DENND6A: variants seen among roughly 807,000 people sequenced by gnomAD.
DENND6A encodes the protein protein DENND6A.
In DENND6A, 43 loss-of-function variants were observed where a neutral mutation model predicts 95.5. The ratio of observed to expected loss-of-function variants is 0.45; its 90% confidence interval spans 0.35 to 0.58. The LOEUF (loss-of-function observed/expected upper bound fraction) is 0.58, where lower values mean the gene tolerates loss of function less well. Ranked by LOEUF, DENND6A falls within the 20% of genes least tolerant of loss-of-function variation. The pLI is 0.00. For synonymous variants in DENND6A, 257 were observed against 260.4 expected, an observed-to-expected ratio of 0.99 and a Z score of 0.13; for missense variants, 574 against 736.0, an observed-to-expected ratio of 0.78 and a Z score of 2.55.
chr3:57,692,678 G>A (rs995990689), intron 1 of DENND6A, 104 bp downstream of exon 1: 7 of 1,088,602 alleles, frequency 6.4e-6, no homozygotes, highest in Non-Finnish European at 8.6e-6. Flanking sequence ...GCCCGGATGC[G>A]CCGCGGACAG....
chr3:57,647,328 A>G (rs1455551646), intron 9 of DENND6A, among the ~76,000 whole-genome samples: 1 of 152,180 alleles, frequency 6.6e-6, no homozygotes, highest in East Asian at 1.9e-4. Context: ...TGGGTAAGGC[A>G]AAGGAGCTCT....
At chr3:57,647,168 G>A (rs2071096295) in intron 9 of DENND6A, among the ~76,000 whole-genome samples, 1 of 151,920 alleles carries the variant, frequency 6.6e-6, no homozygotes, top group Non-Finnish European at 1.5e-5. Flanking sequence ...AGACACACAT[G>A]CAAATAAAAA....
At chr3:57,633,528 A>C (rs891761829) in intron 14 of DENND6A, among the ~76,000 whole-genome samples, 174 bp from the exon 15 acceptor site, 1 of 152,214 alleles carries the variant, frequency 6.6e-6, no homozygotes, top group African/African-American at 2.4e-5. Flanking sequence ...CTGTGAAAAT[A>C]ATCTTTACCG....
intron 1 of DENND6A, among the ~76,000 whole-genome samples, chr3:57,687,983 GTTTT>G (rs1229281252): frequency 1.4e-5 from 2 of 146,944 alleles, no homozygotes; most frequent in Non-Finnish European, 3.0e-5. Context: ...TTTATGAAGA[GTTTT>G]TTGTTTTTTG....
At chr3:57,638,172 G>T (rs2070840586) in intron 12 of DENND6A, among the ~76,000 whole-genome samples, 2 of 151,244 alleles carry the variant, frequency 1.3e-5, no homozygotes, top group Non-Finnish European at 2.9e-5. Flanking sequence ...GTGCATCAAA[G>T]GACACCATCA....
At chr3:57,663,354 A>G (rs1032889254) in intron 5 of DENND6A, among the ~76,000 whole-genome samples, 2 of 146,836 alleles carry the variant, frequency 1.4e-5, no homozygotes, top group Admixed American at 1.4e-4. Context: ...AATCCCAGCT[A>G]CTTGGGAGAC....
chr3:57,648,876 T>A (rs914132270), intron 9 of DENND6A, among the ~76,000 whole-genome samples: 1 of 152,034 alleles, frequency 6.6e-6, no homozygotes, highest in African/African-American at 2.4e-5. Flanking sequence ...TCAAGATTAA[T>A]CAAAAACTTA....
At chr3:57,673,865 G>A (rs1045385391) in intron 1 of DENND6A, among the ~76,000 whole-genome samples, 2 of 152,022 alleles carry the variant, frequency 1.3e-5, no homozygotes, top group African/African-American at 4.8e-5. Context: ...CCCCTCCCGG[G>A]TTCAAGCAAA....
In DENND6A at chr3:57,628,983, G is replaced by A; in HGVS notation, c.1621-98C>T. The A allele has an allele frequency of 4.8e-6, 5 of 1,035,198 alleles. No individual in the cohort carries two copies. The South Asian group carries it at 6.5e-5, about 13-fold the overall frequency. The allele number at this position is 1,035,198 out of a possible 1,614,324, so 64.1% of individuals were successfully genotyped here. ...GCTACTGTGAAGGAAAGACAAGAAG[G>A]AAAAGGAGAACAAAGTATTTAACCC... On this transcript the variant is annotated intron_variant, in intron 18 of 19. Coordinates refer to ENST00000311128, the MANE Select transcript of DENND6A (RefSeq NM_152678.3).
At chr3:57,658,052 C>T (rs998116625) in intron 8 of DENND6A, among the ~76,000 whole-genome samples, 7 of 151,812 alleles carry the variant, frequency 4.6e-5, no homozygotes, top group South Asian at 2.1e-4. Flanking sequence ...CTGGCTAACA[C>T]GGTGAAATCC....
In DENND6A at chr3:57,660,674, C is replaced by T. The variant is rs2071406099; in HGVS notation, c.699+86G>A. 2.4e-6 allele frequency: 3 copies of T among 1,232,622 alleles called. No individual in the cohort carries two copies. The African/African-American group carries it at 4.7e-5, about 19-fold the overall frequency. The allele number at this position is 1,232,622 out of a possible 1,614,324, so 76.4% of individuals were successfully genotyped here. ...AGTGAGCTGTGATCATGCCACTGTA[C>T]TCCAGCCTGGGTGACAGCACAAGAC... On this transcript the variant is annotated intron_variant, in intron 7 of 19. Coordinates refer to ENST00000311128, the MANE Select transcript of DENND6A (RefSeq NM_152678.3).
intron 14 of DENND6A, 88 bp from the exon 15 acceptor site, chr3:57,633,442 T>A: frequency 9.6e-7 from 1 of 1,046,948 alleles, no homozygotes; most frequent in Non-Finnish European, 1.4e-6. Flanking sequence ...TATGTAAATA[T>A]ACATTTATAC....
chr3:57,675,014 A>G (rs9882950), intron 1 of DENND6A, among the ~76,000 whole-genome samples: 35,487 of 152,086 alleles, frequency 0.23, 4,826 homozygotes, highest in African/African-American at 0.38. Flanking sequence ...CAGAAAAGAT[A>G]ACTATTGGAT....
At chr3:57,665,604 A>G (rs2071513709) in intron 4 of DENND6A, among the ~76,000 whole-genome samples, 1 of 152,194 alleles carries the variant, frequency 6.6e-6, no homozygotes, top group African/African-American at 2.4e-5. Context: ...AACTGTTATC[A>G]GGCAAATTAT....
intron 9 of DENND6A, chr3:57,654,664 T>C: frequency 2.0e-6 from 2 of 985,110 alleles, no homozygotes; most frequent in Non-Finnish European, 1.2e-6. Flanking sequence ...AAAAACAGAA[T>C]GAGGAAACTA....
At chr3:57,691,693 AC>A (rs1197576010) in intron 1 of DENND6A, among the ~76,000 whole-genome samples, 72 of 127,894 alleles carry the variant, frequency 5.6e-4, no homozygotes, top group African/African-American at 1.7e-3. Flanking sequence ...AAAAAAAAAA[AC>A]CAAAACCAAA....
intron 11 of DENND6A, 23 bp from the exon 12 acceptor site, chr3:57,641,770 A>C: frequency 1.3e-6 from 2 of 1,579,064 alleles, no homozygotes; most frequent in East Asian, 2.3e-5. Context: ...AAACAAAACA[A>C]AATAAAAAAG....
intron 12 of DENND6A, among the ~76,000 whole-genome samples, chr3:57,639,345 C>G (rs150094997): frequency 1.6e-3 from 243 of 152,298 alleles, no homozygotes; most frequent in Non-Finnish European, 2.2e-3. Flanking sequence ...CTTTGGCAAA[C>G]AGTTTGGTGA....
At chr3:57,682,364 T>C (rs557104550) in intron 1 of DENND6A, among the ~76,000 whole-genome samples, 2 of 151,890 alleles carry the variant, frequency 1.3e-5, no homozygotes, top group Admixed American at 6.6e-5. Context: ...CCTTAAGATC[T>C]TGAAGATCAT....
Sources: gnomAD v4.1 joint callset for allele counts (sites outside exome capture counted in the v4.1 genomes callset) on GRCh38, gnomAD v4.1.1 for gene constraint, MANE v1.5 for transcripts, NCBI Gene and HGNC (gene_info 2026-07-23, HGNC 2026-07-21) for gene names.